TBL1Y: variants seen among roughly 807,000 people sequenced by gnomAD.
TBL1Y encodes the protein F-box-like/WD repeat-containing protein TBL1Y.
A neutral mutation model predicts 12.0 loss-of-function variants in TBL1Y; 15 were observed. That is an observed-to-expected ratio of 1.25 (90% CI 0.83 to 1.92). TBL1Y has a LOEUF of 1.92. Ranked by LOEUF, TBL1Y falls within the 40% of genes most tolerant of loss-of-function variation. The pLI, the probability that TBL1Y is intolerant of heterozygous loss-of-function variation, is 0.00. For missense variants in TBL1Y, 148 were observed against 116.7 expected, an observed-to-expected ratio of 1.27 and a Z score of -1.24; for synonymous variants, 53 against 42.6, an observed-to-expected ratio of 1.24 and a Z score of -0.95.
chrY:7,064,920 G>C, intron 8 of TBL1Y, among the ~76,000 whole-genome samples: 1 of 33,416 alleles, frequency 3.0e-5, no homozygotes. Flanking sequence ...CATAAAGGTT[G>C]TCTGCTTTGG....
At chrY:6,984,429 G>A in intron 3 of TBL1Y, among the ~76,000 whole-genome samples, 1 of 33,334 alleles carries the variant, frequency 3.0e-5, no homozygotes, top group Non-Finnish European at 7.4e-5. Context: ...CACCCAAGTC[G>A]GTTGTTCAGT....
intron 7 of TBL1Y, among the ~76,000 whole-genome samples, chrY:7,048,089 G>T: frequency 3.0e-5 from 1 of 32,925 alleles, no homozygotes; most frequent in Non-Finnish European, 7.4e-5. Context: ...GTTCTGCTTC[G>T]GTTAGCAGCT....
chrY:6,966,021 G>A, intron 2 of TBL1Y, among the ~76,000 whole-genome samples: 1 of 32,656 alleles, frequency 3.1e-5, no homozygotes, highest in African/African-American at 1.2e-4. Context: ...TTTAGCCAGC[G>A]TTTACATGTC....
At chrY:7,051,810 C>A in intron 7 of TBL1Y, among the ~76,000 whole-genome samples, 3 of 33,722 alleles carry the variant, frequency 8.9e-5, no homozygotes, top group African/African-American at 3.4e-4. Flanking sequence ...AACAATTCCA[C>A]AATTTTAGAA....
chrY:7,053,398 C>T, intron 7 of TBL1Y, among the ~76,000 whole-genome samples: 1 of 32,833 alleles, frequency 3.0e-5, no homozygotes, highest in Non-Finnish European at 7.5e-5. Flanking sequence ...TCAGATGTCT[C>T]TGACCTTAGG....
intron 3 of TBL1Y, among the ~76,000 whole-genome samples, chrY:6,988,582 C>A (rs980484715): frequency 2.9e-4 from 9 of 30,888 alleles, no homozygotes; most frequent in Admixed American, 2.4e-3. Flanking sequence ...ATCTGTTGAG[C>A]CCAGGAAGTC....
intron 2 of TBL1Y, among the ~76,000 whole-genome samples, chrY:6,951,531 C>A: frequency 6.1e-5 from 2 of 33,048 alleles, no homozygotes; most frequent in Non-Finnish European, 1.5e-4. Context: ...GGTGATATCT[C>A]CTTTATCATT....
chrY:7,076,210 T>C (rs763116688), intron 13 of TBL1Y, among the ~76,000 whole-genome samples: 9 of 33,310 alleles, frequency 2.7e-4, no homozygotes, highest in Admixed American at 2.4e-3. Context: ...ATTGCAGGTG[T>C]GAGGTACCGC....
intron 5 of TBL1Y, among the ~76,000 whole-genome samples, chrY:7,023,724 T>G: frequency 3.2e-5 from 1 of 31,247 alleles, no homozygotes; most frequent in Non-Finnish European, 7.9e-5. Context: ...CAACACACTG[T>G]TTTTTTTTTC....
At chrY:6,922,529 A>C in intron 2 of TBL1Y, among the ~76,000 whole-genome samples, 1 of 33,792 alleles carries the variant, frequency 3.0e-5, no homozygotes, top group East Asian at 8.0e-4. Context: ...GTGCGTTTAC[A>C]GTCCTTTAGC....
chrY:7,043,150 C>A, intron 7 of TBL1Y, 25 bp downstream of exon 7: 1 of 397,179 alleles, frequency 2.5e-6, no homozygotes, highest in South Asian at 3.0e-5. Context: ...GGCCTGGCCC[C>A]CAAACAGCAG....
At chrY:7,058,846 C>T in intron 7 of TBL1Y, among the ~76,000 whole-genome samples, 1 of 33,107 alleles carries the variant, frequency 3.0e-5, no homozygotes, top group African/African-American at 1.2e-4. Flanking sequence ...CTTGAAACCT[C>T]AGCCCCCATA....
At chrY:6,994,696 C>A in intron 3 of TBL1Y, among the ~76,000 whole-genome samples, 1 of 33,697 alleles carries the variant, frequency 3.0e-5, no homozygotes, top group Non-Finnish European at 7.3e-5. Flanking sequence ...AGTTTTTCAT[C>A]ACTAAAATAT....
intron 15 of TBL1Y, 96 bp downstream of exon 15, chrY:7,086,068 G>A: frequency 3.7e-6 from 1 of 272,861 alleles, no homozygotes; most frequent in Non-Finnish European, 5.6e-6. Flanking sequence ...AGGATTATTT[G>A]TTACTGACCA....
intron 14 of TBL1Y, 80 bp from the exon 15 acceptor site, chrY:7,085,806 ACGGTGGCGCGCT>A: frequency 1.5e-5 from 4 of 260,834 alleles, no homozygotes; most frequent in Non-Finnish European, 2.5e-5. Flanking sequence ...TTCTGCAGCG[ACGGTGGCGCGCT>A]GCTGCCCCCT....
intron 2 of TBL1Y, among the ~76,000 whole-genome samples, chrY:6,912,647 A>T: frequency 3.1e-5 from 1 of 32,655 alleles, no homozygotes; most frequent in South Asian, 7.0e-4. Flanking sequence ...CATGGCCAAC[A>T]TGCTGAAACC....
chrY:6,922,442 C>T (rs2011787738), intron 2 of TBL1Y, among the ~76,000 whole-genome samples: 1 of 33,640 alleles, frequency 3.0e-5, no homozygotes, highest in African/African-American at 1.2e-4. Context: ...TCTCCAAGTC[C>T]CCACTAGATT....
intron 9 of TBL1Y, 149 bp downstream of exon 9, chrY:7,070,477 T>C: frequency 4.7e-6 from 1 of 213,959 alleles, no homozygotes; most frequent in Non-Finnish European, 7.5e-6. Context: ...GCCACCTCTA[T>C]ACGTGTCTCG....
At chrY:6,992,726 T>C (rs780543198) in intron 3 of TBL1Y, among the ~76,000 whole-genome samples, 1 of 33,470 alleles carries the variant, frequency 3.0e-5, no homozygotes, top group South Asian at 6.9e-4. Flanking sequence ...CAAAAGCAGA[T>C]GGATTTCCTT....
Sources: allele counts gnomAD v4.1 joint callset (sites outside exome capture counted in the v4.1 genomes callset), GRCh38; gene constraint gnomAD v4.1.1; transcripts MANE v1.5; gene names NCBI Gene and HGNC (gene_info 2026-07-23, HGNC 2026-07-21).